The following PALS1 variants were observed in gnomAD, a reference collection of about 807,000 sequenced individuals.
The protein encoded by PALS1 is protein associated with LIN7 1, MAGUK p55 family member.
Under a neutral mutation model 78.9 loss-of-function variants are expected in PALS1, and 31 were observed. The observed-to-expected ratio is 0.39, with a 90% CI of 0.30 to 0.53. The LOEUF (loss-of-function observed/expected upper bound fraction) is 0.53, where lower values mean the gene tolerates loss of function less well. Among genes scored for constraint, PALS1 ranks in the 20% least tolerant of loss-of-function variants. PALS1 has a pLI of 0.67. For missense variants in PALS1, 704 were observed against 826.5 expected, an observed-to-expected ratio of 0.85 and a Z score of 1.82; for synonymous variants, 276 against 270.9, an observed-to-expected ratio of 1.02 and a Z score of -0.18.
chr14:67,270,266 T>C (rs2084388995), intron 2 of PALS1: 2 of 152,164 alleles, frequency 1.3e-5, no homozygotes, highest in South Asian at 4.1e-4. Flanking sequence ...TCTCCCTTAC[T>C]AGTTTGAGGT....
chr14:67,280,677 C>A (rs538235865), intron 3 of PALS1, among the ~76,000 whole-genome samples: 49 of 152,280 alleles, frequency 3.2e-4, no homozygotes, highest in African/African-American at 1.2e-3. Context: ...TTTCACTCAC[C>A]AGGCCAGAGC....
intron 1 of PALS1, among the ~76,000 whole-genome samples, chr14:67,255,157 A>T (rs2084126906): frequency 6.6e-6 from 1 of 152,218 alleles, no homozygotes; most frequent in South Asian, 2.1e-4. Context: ...CTCAAAAAAA[A>T]AAAAAGTTCG....
At chr14:67,269,973 G>A (rs2084384610) in intron 2 of PALS1, 190 bp downstream of exon 2, 1 of 152,202 alleles carries the variant, frequency 6.6e-6, no homozygotes, top group African/African-American at 2.4e-5. Flanking sequence ...AAAAATTCTA[G>A]AGTTCTGGAC....
intron 11 of PALS1, 46 bp from the exon 12 acceptor site, chr14:67,320,184 C>G: frequency 6.4e-7 from 1 of 1,570,636 alleles, no homozygotes; most frequent in Non-Finnish European, 8.6e-7. Context: ...ATCTTTAATA[C>G]ATGGCCATAA....
At chr14:67,301,231 T>C (rs2084929160) in intron 4 of PALS1, among the ~76,000 whole-genome samples, 158 bp from the exon 5 acceptor site, 2 of 152,300 alleles carry the variant, frequency 1.3e-5, no homozygotes, top group Middle Eastern at 3.4e-3. Flanking sequence ...TTATCCATAA[T>C]AACAAGATTG....
rs535835209 is a variant in PALS1 at position 67,274,258 on chromosome 14, C to G, written c.-154+4475C>G. ...TTCTAGGGTTTTTCTGGTTTTAGGT[C>G]TAACATTTAAGTCTTTAATCCATCT... On this transcript the variant is annotated intron_variant, in intron 2 of 14. Coordinates refer to ENST00000261681, the MANE Select transcript of PALS1 (RefSeq NM_022474.4). Among the ~76,000 whole-genome samples the G allele has an allele frequency of 1.8e-4, 27 of 152,234 alleles. No individual in the cohort carries two copies. In the South Asian group the frequency reaches 5.6e-3, roughly 32 times the overall value.
chr14:67,284,399 A>G (rs1420790165), intron 3 of PALS1, among the ~76,000 whole-genome samples: 1 of 138,366 alleles, frequency 7.2e-6, no homozygotes. Context: ...GGAGTTTGAG[A>G]CCAGCTTGGG....
chr14:67,332,588 T>C (rs1397529186), intron 14 of PALS1, among the ~76,000 whole-genome samples, 192 bp from the exon 15 acceptor site: 2 of 152,160 alleles, frequency 1.3e-5, no homozygotes, highest in Non-Finnish European at 2.9e-5. Context: ...TGGTTCATAA[T>C]ATGAGTCGTG....
intron 1 of PALS1, among the ~76,000 whole-genome samples, chr14:67,268,755 A>C (rs1359602277): frequency 6.6e-6 from 1 of 152,170 alleles, no homozygotes; most frequent in Non-Finnish European, 1.5e-5. Context: ...TTTTGTCAGC[A>C]GGGCCTTTGT....
At chr14:67,286,730 C>T (rs914656955) in intron 3 of PALS1, among the ~76,000 whole-genome samples, 9 of 151,006 alleles carry the variant, frequency 6.0e-5, no homozygotes, top group Admixed American at 1.3e-4. Flanking sequence ...TGGTGGAATG[C>T]GACTGTGGTC....
intron 3 of PALS1, among the ~76,000 whole-genome samples, chr14:67,285,491 C>T (rs967189571): frequency 3.3e-5 from 5 of 151,792 alleles, no homozygotes; most frequent in Admixed American, 6.6e-5. Context: ...CTCAGCCTCC[C>T]GAGTAGCTGA....
chr14:67,310,429 C>G (rs948641484), intron 8 of PALS1, among the ~76,000 whole-genome samples: 8 of 152,102 alleles, frequency 5.3e-5, no homozygotes, highest in South Asian at 2.1e-4. Context: ...TTCTAGAAAT[C>G]AGGATGATGT....
chr14:67,325,051 C>T (rs1367151430), intron 14 of PALS1, among the ~76,000 whole-genome samples: 4 of 151,584 alleles, frequency 2.6e-5, no homozygotes, highest in Non-Finnish European at 4.4e-5. Context: ...ACTACAGGTG[C>T]CCACCATCAT....
chr14:67,279,572 T>G, intron 3 of PALS1, 35 bp downstream of exon 3: 3 of 1,498,184 alleles, frequency 2.0e-6, no homozygotes, highest in South Asian at 2.8e-5. Context: ...GAAAACATTT[T>G]GCTTTAATTT....
intron 9 of PALS1, among the ~76,000 whole-genome samples, chr14:67,316,177 A>G (rs1329578752): frequency 1.3e-5 from 2 of 152,212 alleles, no homozygotes; most frequent in Admixed American, 6.5e-5. Context: ...AGGAAAAGAC[A>G]TATTTGATTT....
chr14:67,289,141 A>ATT (rs61288545), intron 3 of PALS1, among the ~76,000 whole-genome samples: 2 of 150,744 alleles, frequency 1.3e-5, no homozygotes, highest in Non-Finnish European at 3.0e-5. Context: ...TAATTTTTGC[A>ATT]TTTTTTTGTA....
chr14:67,301,226 CATAATAACAAG>C (rs2084929126), intron 4 of PALS1, among the ~76,000 whole-genome samples, 152 bp from the exon 5 acceptor site: 1 of 151,640 alleles, frequency 6.6e-6, no homozygotes, highest in Non-Finnish European at 1.5e-5. Flanking sequence ...TTGTTTTATC[CATAATAACAAG>C]ATTGAAAACT....
In PALS1 at chr14:67,333,142, TTATTCTC is replaced by T. The variant is rs1644484739; in HGVS notation, c.*190_*196del. 3.9e-6 allele frequency: 2 copies of T among 515,946 alleles called. No individual in the cohort carries two copies. The highest frequency in any genetic ancestry group is 6.1e-5 in the South Asian group (2 of 33,014). The allele number at this position is 515,946 out of a possible 1,614,324, so 32.0% of individuals were successfully genotyped here. On this transcript the variant is annotated 3_prime_UTR_variant, in exon 15 of 15. Transcript: ENST00000261681. ...TTAGGCAGTTTGTGCATGGCATCCTTTATTCTCTATACATGGCTTTAGCGGTTCTTGC... is the reference window on the plus strand; with the variant it reads ...TTAGGCAGTTTGTGCATGGCATCCTTTATACATGGCTTTAGCGGTTCTTGC...
At chr14:67,327,774 A>G (rs1265953837) in intron 14 of PALS1, among the ~76,000 whole-genome samples, 1 of 152,162 alleles carries the variant, frequency 6.6e-6, no homozygotes, top group African/African-American at 2.4e-5. Flanking sequence ...TTTTCTCAGA[A>G]TGATGGTTTC....
Sources: gnomAD v4.1 joint callset for allele counts (sites outside exome capture counted in the v4.1 genomes callset) on GRCh38, gnomAD v4.1.1 for gene constraint, MANE v1.5 for transcripts, NCBI Gene and HGNC (gene_info 2026-07-23, HGNC 2026-07-21) for gene names.